Variants in CNMD observed in about 807,000 individuals in gnomAD.
CNMD encodes leukocyte cell-derived chemotaxin 1.
Under a neutral mutation model 37.5 loss-of-function variants are expected in CNMD, and 30 were observed. The ratio of observed to expected loss-of-function variants is 0.80; its 90% CI spans 0.60 to 1.09. The LOEUF (loss-of-function observed/expected upper bound fraction) is 1.09, where lower values mean the gene tolerates loss of function less well. Among genes scored for constraint, CNMD ranks in the 50% least tolerant of loss-of-function variants. The pLI is 0.00. For synonymous variants in CNMD, 167 were observed against 148.2 expected (o/e 1.13, Z -0.92); for missense variants, 398 against 423.9 (o/e 0.94, Z 0.54).
chr13:52,723,198 C>T (rs1348575883), intron 4 of CNMD, among the ~76,000 whole-genome samples: 3 of 152,106 alleles, frequency 2.0e-5, no homozygotes, highest in Non-Finnish European at 4.4e-5. Flanking sequence ...CTCAAGTGAT[C>T]CTCCCACCTC....
intron 4 of CNMD, among the ~76,000 whole-genome samples, chr13:52,716,580 C>T (rs1159234772): frequency 6.6e-6 from 1 of 152,140 alleles, no homozygotes; most frequent in Non-Finnish European, 1.5e-5. Context: ...AGCCAGTTTT[C>T]CCAAGACCAT....
Position 52,712,843 on chromosome 13 carries a change from A to G in CNMD, c.495T>C (p.Tyr165=), listed in dbSNP as rs747115835. Residue 165 remains tyrosine, a synonymous_variant, in exon 5 of 7, where the codon TAT becomes TAC. Coordinates refer to ENST00000377962, the MANE Select transcript of CNMD (RefSeq NM_007015.3). ...CCACCCAGATAAGAGAATTTTCTTC[A>G]TATTTGACTGGCATGATCTTGCCTT... ...KLEGKIMPVK[Y]EENSLIWVAV... The G allele has an allele frequency of 4.4e-6, 7 of 1,578,936 alleles. No individual in the cohort carries two copies. The highest frequency in any genetic ancestry group is 6.0e-6 in the Non-Finnish European group (7 of 1,165,194).
At chr13:52,718,574 T>C (rs1964428573) in intron 4 of CNMD, among the ~76,000 whole-genome samples, 1 of 152,176 alleles carries the variant, frequency 6.6e-6, no homozygotes. Context: ...AGAACATCTT[T>C]ATTTCTGCCT....
chr13:52,736,230 G>A (rs180798241), intron 2 of CNMD, among the ~76,000 whole-genome samples: 2,038 of 152,284 alleles, frequency 0.013, 53 homozygotes, highest in African/African-American at 0.047. Flanking sequence ...TCCTGACCTC[G>A]TGAGCCGCCC....
At chr13:52,734,385 T>C (rs1964723044) in intron 2 of CNMD, among the ~76,000 whole-genome samples, 1 of 152,202 alleles carries the variant, frequency 6.6e-6, no homozygotes, top group Non-Finnish European at 1.5e-5. Flanking sequence ...GAGTAACATT[T>C]TGTTAGAAAG....
At chr13:52,720,321 A>G (rs927487167) in intron 4 of CNMD, among the ~76,000 whole-genome samples, 19 of 152,116 alleles carry the variant, frequency 1.2e-4, no homozygotes, top group Admixed American at 3.3e-4. Context: ...CCATCTTCTG[A>G]AGCCTACTTC....
chr13:52,704,040 G>T (rs1280499978), intron 6 of CNMD, among the ~76,000 whole-genome samples: 1 of 152,202 alleles, frequency 6.6e-6, no homozygotes, highest in Non-Finnish European at 1.5e-5. Context: ...TGACTAGAAA[G>T]TTGTTTTGTC....
At chr13:52,704,893 C>G (rs543765274) in intron 6 of CNMD, among the ~76,000 whole-genome samples, 2 of 36,368 alleles carry the variant, frequency 5.5e-5, no homozygotes, top group Non-Finnish European at 1.0e-4. Flanking sequence ...GAAACCAACC[C>G]CATCTCTACT....
intron 4 of CNMD, among the ~76,000 whole-genome samples, chr13:52,714,335 T>TCC (rs1248506844): frequency 6.6e-6 from 1 of 152,148 alleles, no homozygotes; most frequent in African/African-American, 2.4e-5. Context: ...CCGATTTGTG[T>TCC]AAGTTACTCT....
chr13:52,713,431 A>C (rs967775769), intron 4 of CNMD, among the ~76,000 whole-genome samples: 8 of 152,206 alleles, frequency 5.3e-5, no homozygotes, highest in African/African-American at 1.9e-4. Context: ...TGAGATTTCA[A>C]AGTTAAACCC....
rs572477928 is a variant in CNMD at position 52,736,237 on chromosome 13, G to A, written c.213+2794C>T. On this transcript the variant is annotated intron_variant, in intron 2 of 6. Coordinates refer to ENST00000377962, the MANE Select transcript of CNMD (RefSeq NM_007015.3). ...TCTCCATCTCCTGACCTCGTGAGCC[G>A]CCCGCCTCGGCCTCCCGAAGTGCTG... Among the ~76,000 whole-genome samples the A allele has an allele frequency of 7.2e-5, 11 of 152,278 alleles. No homozygotes were observed. In the South Asian group the frequency reaches 8.3e-4, roughly 11 times the overall value.
chr13:52,705,821 A>G (rs962897040), intron 6 of CNMD, among the ~76,000 whole-genome samples: 2 of 151,698 alleles, frequency 1.3e-5, no homozygotes, highest in East Asian at 1.9e-4. Flanking sequence ...CTGCCTGTCT[A>G]TAAAGGGGCT....
intron 5 of CNMD, among the ~76,000 whole-genome samples, chr13:52,709,440 T>C (rs938602854): frequency 1.3e-5 from 2 of 152,250 alleles, no homozygotes; most frequent in Non-Finnish European, 2.9e-5. Flanking sequence ...GGATTGACTA[T>C]ATCAGTATAA....
intron 2 of CNMD, among the ~76,000 whole-genome samples, chr13:52,734,173 C>A (rs917138272): frequency 2.0e-5 from 3 of 152,198 alleles, no homozygotes; most frequent in Non-Finnish European, 2.9e-5. Context: ...CCACACCACT[C>A]ATCTCTGGAT....
At chr13:52,738,101 G>T (rs1964804052) in intron 2 of CNMD, among the ~76,000 whole-genome samples, 1 of 152,200 alleles carries the variant, frequency 6.6e-6, no homozygotes, top group Non-Finnish European at 1.5e-5. Context: ...GTAGGAGAGA[G>T]GAAAAAACAG....
intron 3 of CNMD, among the ~76,000 whole-genome samples, chr13:52,732,420 A>T (rs1964688024): frequency 1.3e-5 from 2 of 152,242 alleles, no homozygotes. Context: ...ATTGCTGCAC[A>T]GCTTAATGTC....
chr13:52,716,862 T>C lies in CNMD; in HGVS notation c.469-3993A>G, dbSNP rs138273606. Among the ~76,000 whole-genome samples the C allele has an allele frequency of 7.6e-3, 1,162 of 152,282 alleles. 11 individuals are homozygous for C. The highest frequency in any genetic ancestry group is 0.027 in the African/African-American group (1,106 of 41,550). On this transcript the variant is annotated intron_variant, in intron 4 of 6. Transcript: ENST00000377962. Reference sequence around the variant, plus strand: ...TTTTGGTTCCACGTGAAATTTAAAGTAGTTTTTTCTAATTCTGTGAAGAAA... The same window carrying C: ...TTTTGGTTCCACGTGAAATTTAAAGCAGTTTTTTCTAATTCTGTGAAGAAA...
rs1964114834 is a variant in CNMD at position 52,703,345 on chromosome 13, A to G, written c.*250T>C. On this transcript the variant is annotated 3_prime_UTR_variant, in exon 7 of 7. Coordinates refer to ENST00000377962, the MANE Select transcript of CNMD (RefSeq NM_007015.3). Reference sequence around the variant, plus strand: ...GCAAGGGAAGACTTATGGCAAAGCAATGCAAATAAAAAATAACAAATAATA... The same window carrying G: ...GCAAGGGAAGACTTATGGCAAAGCAGTGCAAATAAAAAATAACAAATAATA... 2.6e-6 allele frequency: 1 copy of G among 381,724 alleles called. No individual in the cohort carries two copies. The highest frequency in any genetic ancestry group is 3.9e-5 in the East Asian group (1 of 25,544). The allele number at this position is 381,724 out of a possible 1,614,324, so 23.6% of individuals were successfully genotyped here. A position where few individuals can be genotyped will look rare whatever the true frequency, so the allele number is the denominator to read the frequency against.
chr13:52,736,282 C>A (rs1238488620), intron 2 of CNMD, among the ~76,000 whole-genome samples: 1 of 152,250 alleles, frequency 6.6e-6, no homozygotes, highest in African/African-American at 2.4e-5. Flanking sequence ...GCGTGAGCCA[C>A]CGCGCCCGGC....
Sources: gnomAD v4.1 joint callset for allele counts (sites outside exome capture counted in the v4.1 genomes callset) on GRCh38, gnomAD v4.1.1 for gene constraint, MANE v1.5 for transcripts, NCBI Gene and HGNC (gene_info 2026-07-23, HGNC 2026-07-21) for gene names.